C12orf54: variants seen among roughly 807,000 people sequenced by gnomAD.
C12orf54 encodes the protein uncharacterized protein C12orf54.
In C12orf54, 24 loss-of-function variants were observed where a neutral mutation model predicts 26.4. That is an observed-to-expected ratio of 0.91 (90% CI 0.66 to 1.28). The LOEUF (loss-of-function observed/expected upper bound fraction) is 1.28, where lower values mean the gene tolerates loss of function less well. Among genes scored for constraint, C12orf54 ranks in the 50% most tolerant of loss-of-function variants. C12orf54 has a pLI of 0.00. For missense variants in C12orf54, 154 were observed against 150.9 expected, an observed-to-expected ratio of 1.02 and a Z score of -0.11; for synonymous variants, 54 against 47.0, an observed-to-expected ratio of 1.15 and a Z score of -0.61.
chr12:48,493,069 T>C (rs1937827073), intron 7 of C12orf54, 74 bp downstream of exon 7: 1 of 1,354,490 alleles, frequency 7.4e-7, no homozygotes, highest in Non-Finnish European at 1.1e-6. Context: ...GCCATGAATA[T>C]AGCTAGCTCT....
the C12orf54 span, among the ~76,000 whole-genome samples, chr12:48,416,183 T>C: frequency 1.3e-5 from 2 of 152,190 alleles, no homozygotes; most frequent in African/African-American, 4.8e-5. Flanking sequence ...ATTCTACTCT[T>C]GTCCTTCTAT....
At chr12:48,425,224 CCCTCCACCCAT>C in the C12orf54 span, among the ~76,000 whole-genome samples, 1 of 152,004 alleles carries the variant, frequency 6.6e-6, no homozygotes, top group Non-Finnish European at 1.5e-5. Flanking sequence ...CTGATCCTCT[CCCTCCACCCAT>C]CCTCCACCCT....
At chr12:48,439,183 C>T in the C12orf54 span, among the ~76,000 whole-genome samples, 14 of 152,240 alleles carry the variant, frequency 9.2e-5, no homozygotes, top group South Asian at 1.0e-3. Context: ...AAATGCAAAT[C>T]GAAACCACAA....
intron 7 of C12orf54, 52 bp downstream of exon 7, chr12:48,493,047 A>G: frequency 6.7e-7 from 1 of 1,497,382 alleles, no homozygotes; most frequent in South Asian, 1.1e-5. Context: ...CCACCTGGAT[A>G]TGGGTGTGCT....
chr12:48,461,276 C>T, the C12orf54 span, among the ~76,000 whole-genome samples: 2 of 151,860 alleles, frequency 1.3e-5, no homozygotes, highest in Admixed American at 6.6e-5. Flanking sequence ...GAGAAATAGA[C>T]AAAATCATAA....
the C12orf54 span, among the ~76,000 whole-genome samples, chr12:48,413,417 C>T: frequency 6.6e-6 from 1 of 152,182 alleles, no homozygotes; most frequent in African/African-American, 2.4e-5. Flanking sequence ...AATCTGTGTT[C>T]TAGGAAACTT....
At chr12:48,460,682 G>A in the C12orf54 span, among the ~76,000 whole-genome samples, 16 of 152,078 alleles carry the variant, frequency 1.1e-4, no homozygotes, top group African/African-American at 3.9e-4. Flanking sequence ...GAAGCATATT[G>A]TTGTAATATT....
the C12orf54 span, among the ~76,000 whole-genome samples, chr12:48,467,513 G>A: frequency 1.3e-5 from 2 of 152,080 alleles, no homozygotes; most frequent in East Asian, 3.9e-4. Context: ...TAATTATTCT[G>A]AATGAAAGAA....
upstream of C12orf54, among the ~76,000 whole-genome samples, chr12:48,481,479 G>A (rs568856831): frequency 1.5e-3 from 226 of 152,220 alleles, no homozygotes; most frequent in Non-Finnish European, 3.0e-3. Context: ...GTAAGAAGGT[G>A]GTGTGCAGAG....
the C12orf54 span, among the ~76,000 whole-genome samples, chr12:48,432,255 C>G: frequency 6.6e-6 from 1 of 151,940 alleles, no homozygotes; most frequent in South Asian, 2.1e-4. Flanking sequence ...TATTGCATGC[C>G]TATTGTGTGA....
the C12orf54 span, among the ~76,000 whole-genome samples, chr12:48,429,047 C>G: frequency 1.3e-5 from 2 of 152,112 alleles, no homozygotes; most frequent in Non-Finnish European, 2.9e-5. Context: ...ACCACATAAA[C>G]AGAATTAAAA....
At chr12:48,483,389 C>A in intron 2 of C12orf54, 28 bp downstream of exon 2, 1 of 1,604,840 alleles carries the variant, frequency 6.2e-7, no homozygotes, top group South Asian at 1.1e-5. Flanking sequence ...GACCCTCAAA[C>A]ATCCTTAGAT....
chr12:48,487,267 T>C (rs986391127), intron 4 of C12orf54, among the ~76,000 whole-genome samples: 1 of 152,160 alleles, frequency 6.6e-6, no homozygotes, highest in African/African-American at 2.4e-5. Context: ...TTGTAAAACC[T>C]TAGATAGAGA....
chr12:48,423,895 G>T, the C12orf54 span, among the ~76,000 whole-genome samples: 1 of 151,996 alleles, frequency 6.6e-6, no homozygotes, highest in Non-Finnish European at 1.5e-5. Context: ...GTGAAAGCAG[G>T]CATCCTTGCC....
the C12orf54 span, among the ~76,000 whole-genome samples, chr12:48,474,311 T>C: frequency 1.0e-3 from 153 of 152,244 alleles, no homozygotes; most frequent in Middle Eastern, 0.014. Context: ...GCTCCCAGCA[T>C]GAGCGATACA....
the C12orf54 span, among the ~76,000 whole-genome samples, chr12:48,413,558 G>C: frequency 3.3e-5 from 5 of 152,172 alleles, no homozygotes; most frequent in Non-Finnish European, 7.4e-5. Context: ...AGCATGCTGC[G>C]CTCCCGTGGA....
chr12:48,420,950 T>C, the C12orf54 span, among the ~76,000 whole-genome samples: 1 of 152,200 alleles, frequency 6.6e-6, no homozygotes, highest in Non-Finnish European at 1.5e-5. Context: ...CAAAATTTCT[T>C]AGTTCATAGC....
chr12:48,449,898 T>TAATTGAGTCATGGGGGCA, the C12orf54 span, among the ~76,000 whole-genome samples: 1 of 151,676 alleles, frequency 6.6e-6, no homozygotes, highest in East Asian at 1.9e-4. Flanking sequence ...CAGGGGGAGG[T>TAATTGAGTCATGGGGGCA]AATTGAGTCA....
the C12orf54 span, among the ~76,000 whole-genome samples, chr12:48,468,307 G>A: frequency 1.3e-5 from 2 of 152,130 alleles, no homozygotes. Context: ...TGCACATCTG[G>A]CACACCGGAG....
Sources: gnomAD v4.1 joint callset for allele counts (sites outside exome capture counted in the v4.1 genomes callset) on GRCh38, gnomAD v4.1.1 for gene constraint, MANE v1.5 for transcripts, NCBI Gene and HGNC (gene_info 2026-07-23, HGNC 2026-07-21) for gene names.